DOCK1: variants seen among roughly 807,000 people sequenced by gnomAD.
The protein encoded by DOCK1 is dedicator of cytokinesis protein 1.
In DOCK1, 138 loss-of-function variants were observed where a neutral mutation model predicts 262.7. That is an observed-to-expected ratio of 0.53 (90% CI 0.46 to 0.61). The LOEUF (loss-of-function observed/expected upper bound fraction) is 0.61. Ranked by LOEUF, DOCK1 falls within the 20% of genes least tolerant of loss-of-function variation. The pLI is 0.00. For missense variants in DOCK1, 1,908 were observed against 2,370.7 expected (o/e 0.80, Z 4.05); for synonymous variants, 866 against 867.4 (o/e 1.00, Z 0.03).
chr10:127,232,163 G>T (rs1425846628), intron 27 of DOCK1, among the ~76,000 whole-genome samples: 1 of 152,082 alleles, frequency 6.6e-6, no homozygotes, highest in African/African-American at 2.4e-5. Context: ...TCTGCATCTT[G>T]GTGGTCATAT....
intron 35 of DOCK1, among the ~76,000 whole-genome samples, chr10:127,376,982 A>C (rs1381978197): frequency 6.6e-6 from 1 of 152,220 alleles, no homozygotes; most frequent in African/African-American, 2.4e-5. Context: ...CTCAGTGCCC[A>C]CGTACTTTTA....
intron 27 of DOCK1, among the ~76,000 whole-genome samples, chr10:127,212,715 A>G (rs1209728878): frequency 1.4e-5 from 2 of 147,620 alleles, no homozygotes; most frequent in Non-Finnish European, 3.0e-5. Context: ...ACACCTGACC[A>G]TGATGGCAGC....
At chr10:127,246,946 G>A (rs2059449670) in intron 27 of DOCK1, among the ~76,000 whole-genome samples, 1 of 152,116 alleles carries the variant, frequency 6.6e-6, no homozygotes, top group African/African-American at 2.4e-5. Flanking sequence ...TGGCTTAATG[G>A]GAAAAAATAT....
At chr10:126,963,900 T>C (rs2037471263) in intron 1 of DOCK1, among the ~76,000 whole-genome samples, 1 of 151,986 alleles carries the variant, frequency 6.6e-6, no homozygotes, top group African/African-American at 2.4e-5. Flanking sequence ...ACAAAAGCAG[T>C]GGAAGGATTT....
intron 29 of DOCK1, among the ~76,000 whole-genome samples, chr10:127,330,802 T>C (rs2062944013): frequency 6.6e-6 from 1 of 152,112 alleles, no homozygotes; most frequent in Admixed American, 6.5e-5. Flanking sequence ...GAAGAAGTCA[T>C]GAATATTAAT....
chr10:127,316,290 G>A (rs753257250), intron 29 of DOCK1, among the ~76,000 whole-genome samples: 59 of 152,184 alleles, frequency 3.9e-4, no homozygotes, highest in Non-Finnish European at 7.1e-4. Flanking sequence ...ACTTTCTACC[G>A]TTTAACTTAT....
At chr10:127,317,408 CGTTT>C (rs1341256134) in intron 29 of DOCK1, among the ~76,000 whole-genome samples, 1 of 152,244 alleles carries the variant, frequency 6.6e-6, no homozygotes, top group Non-Finnish European at 1.5e-5. Flanking sequence ...TTTCTGTGTT[CGTTT>C]GTTTGCCATA....
intron 46 of DOCK1, among the ~76,000 whole-genome samples, chr10:127,420,259 C>T (rs981692100): frequency 3.9e-5 from 6 of 152,162 alleles, no homozygotes; most frequent in African/African-American, 1.4e-4. Flanking sequence ...TACTTATGCT[C>T]CTGGGGCCTC....
At chr10:127,397,686 A>G (rs1368538845) in intron 38 of DOCK1, among the ~76,000 whole-genome samples, 1 of 151,352 alleles carries the variant, frequency 6.6e-6, no homozygotes, top group African/African-American at 2.4e-5. Context: ...TGCATGACAC[A>G]GGTAGTAGCT....
At position 127,006,379 on chromosome 10, in the gene DOCK1, C is replaced by T. The variant is rs118016042; in HGVS notation, c.986-2353C>T. Among the ~76,000 whole-genome samples the T allele has an allele frequency of 9.2e-3, 1,399 of 152,336 alleles. 14 individuals are homozygous for T. The highest frequency in any genetic ancestry group is 0.013 in the Non-Finnish European group (853 of 68,026). On this transcript the variant is annotated intron_variant, in intron 10 of 51. Coordinates refer to ENST00000623213, the MANE Select transcript of DOCK1 (RefSeq NM_001290223.2). Reference sequence around the variant, plus strand: ...GCATCACGCGGTGCCGTCTGTCTACCCGGCCTCTCCCTCACACAGCTGTAC... The same window carrying T: ...GCATCACGCGGTGCCGTCTGTCTACTCGGCCTCTCCCTCACACAGCTGTAC...
rs771806886 is a variant in DOCK1, at chr10:127,415,256, C to G, written c.4515+18C>G. The G allele has an allele frequency of 4.8e-5, 77 of 1,608,818 alleles. No homozygotes were observed. Among genetic ancestry groups the G allele is most frequent in the Non-Finnish European group, 6.1e-5 (72 of 1,176,978 alleles). On this transcript the variant is annotated intron_variant, in intron 44 of 51. Transcript: ENST00000623213. Reference sequence around the variant, plus strand: ...TTTTCATGGTAAGGATGGCCCCACCCCAGAAGGAATTGTCCGTTCCCTTCC... The same window carrying G: ...TTTTCATGGTAAGGATGGCCCCACCGCAGAAGGAATTGTCCGTTCCCTTCC...
At chr10:127,281,045 A>T (rs1385024895) in intron 29 of DOCK1, among the ~76,000 whole-genome samples, 1 of 152,358 alleles carries the variant, frequency 6.6e-6, no homozygotes, top group East Asian at 1.9e-4. Context: ...TTTGTTTTAA[A>T]TAACAGCCTT....
chr10:127,189,407 C>T (rs1435466008), intron 27 of DOCK1, among the ~76,000 whole-genome samples: 1 of 152,228 alleles, frequency 6.6e-6, no homozygotes, highest in Non-Finnish European at 1.5e-5. Flanking sequence ...CTGTCTGAGG[C>T]TCCAGTGTCC....
At chr10:127,029,000 A>G (rs1310700155) in intron 16 of DOCK1, among the ~76,000 whole-genome samples, 1 of 152,222 alleles carries the variant, frequency 6.6e-6, no homozygotes, top group Non-Finnish European at 1.5e-5. Context: ...CCCGTCTTTT[A>G]ACAAGCTCAT....
Position 127,409,103 on chromosome 10 carries a change from A to G in DOCK1, c.4189A>G (p.Thr1397Ala). The G allele has an allele frequency of 6.2e-7, 1 of 1,607,598 alleles. No individual in the cohort carries two copies. The highest frequency in any genetic ancestry group is 8.5e-7 in the Non-Finnish European group (1 of 1,176,768). Reference sequence around the variant, plus strand: ...GGAAGATTTTGAGGCTCGGCTCTTAACTCAGTTTCCAAACGCCGAGAAAAT... The same window carrying G: ...GGAAGATTTTGAGGCTCGGCTCTTAGCTCAGTTTCCAAACGCCGAGAAAAT... ...RREDFEARLL[T>A]QFPNAEKMKT... The change falls in exon 41 of 52, where the codon ACT (threonine) becomes GCT (alanine). Residue 1397 changes from threonine (T) to alanine (A), a missense_variant. Physicochemically the swap from Thr to Ala is moderately conservative, Grantham distance 58. Transcript: ENST00000623213.
rs772004736 is a variant in DOCK1, at chr10:127,176,355, G to A, written c.2847+48591G>A. 1.5e-5 allele frequency: 24 copies of A among 1,613,236 alleles called. 1 individual carries two copies. The highest frequency in any genetic ancestry group is 1.4e-4 in the South Asian group (13 of 91,000). On this transcript the variant is annotated intron_variant, in intron 27 of 51. Coordinates refer to ENST00000623213, the MANE Select transcript of DOCK1 (RefSeq NM_001290223.2). The surrounding 1 kb of genome is among the most constrained non-coding windows in gnomAD (Gnocchi z 4.4). Reference sequence around the variant, plus strand: ...GGCGGCGGGTTCCACTTCACTCTCCGACGTTGTGAGTATGCATTTGCCGGT... The same window carrying A: ...GGCGGCGGGTTCCACTTCACTCTCCAACGTTGTGAGTATGCATTTGCCGGT...
intron 29 of DOCK1, among the ~76,000 whole-genome samples, chr10:127,338,716 C>CT (rs986671931): frequency 1.3e-5 from 2 of 151,126 alleles, no homozygotes; most frequent in African/African-American, 2.4e-5. Flanking sequence ...CTTTTTTTTT[C>CT]TTTTTTTTAA....
In DOCK1 at chr10:127,175,352, T is replaced by C; in HGVS notation, c.2847+47588T>C. ...CGACCACTTCCGTATGAGGCACGAT[T>C]CGTTGGCATTCTTCACCTGCAGCAA... On this transcript the variant is annotated intron_variant, in intron 27 of 51. Coordinates refer to ENST00000623213, the MANE Select transcript of DOCK1 (RefSeq NM_001290223.2). The surrounding 1 kb of genome is among the most constrained non-coding windows in gnomAD (Gnocchi z 6.3). 1 of 1,614,136 alleles carries C rather than the reference T, an allele frequency of 6.2e-7. No homozygotes were observed. The highest frequency in any genetic ancestry group is 2.2e-5 in the East Asian group (1 of 44,868).
intron 30 of DOCK1, among the ~76,000 whole-genome samples, chr10:127,339,732 T>TGTGTGTGTGTGTGTGTGTGTGC (rs1243468884): frequency 2.5e-4 from 10 of 40,336 alleles, no homozygotes; most frequent in South Asian, 1.6e-3. Context: ...TGTGTGTGTG[T>TGTGTGTGTGTGTGTGTGTGTGC]GTGCATGCTG....
Sources: gnomAD v4.1 joint callset for allele counts (sites outside exome capture counted in the v4.1 genomes callset) on GRCh38, gnomAD v4.1.1 for gene constraint, Gnocchi (gnomAD v3.1) non-coding constraint, MANE v1.5 for transcripts, NCBI Gene and HGNC (gene_info 2026-07-23, HGNC 2026-07-21) for gene names.